Variants in ATG7 observed in about 807,000 individuals in gnomAD.
ATG7 encodes autophagy related 7, also known as ubiquitin-like modifier-activating enzyme ATG7.
In ATG7, 70 loss-of-function variants were observed where a neutral mutation model predicts 82.4. That is an observed-to-expected ratio of 0.85 (90% CI 0.70 to 1.04). The LOEUF (loss-of-function observed/expected upper bound fraction) is 1.04, where lower values mean the gene tolerates loss of function less well. Ranked by LOEUF, ATG7 falls within the 50% of genes least tolerant of loss-of-function variation. The pLI, the probability that ATG7 is intolerant of heterozygous loss-of-function variation, is 0.00. For synonymous variants in ATG7, 287 were observed against 313.0 expected, an observed-to-expected ratio of 0.92 and a Z score of 0.88; for missense variants, 792 against 864.3, an observed-to-expected ratio of 0.92 and a Z score of 1.05.
At chr3:11,559,341 G>T (rs1030530281), downstream of ATG7, 5 of 1,544,380 alleles carry the variant, frequency 3.2e-6, no homozygotes, top group African/African-American at 5.5e-5. Context: ...CCGCTCGGTG[G>T]CCTCCGGTAG....
At chr3:11,453,054 C>A (rs895280345) in intron 20 of ATG7, among the ~76,000 whole-genome samples, 2 of 152,218 alleles carry the variant, frequency 1.3e-5, no homozygotes, top group Non-Finnish European at 2.9e-5. Context: ...TCCTTCCTTT[C>A]TTACCAAGCC....
At chr3:11,449,410 G>A (rs993321466) in intron 20 of ATG7, among the ~76,000 whole-genome samples, 3 of 152,302 alleles carry the variant, frequency 2.0e-5, no homozygotes, top group Admixed American at 1.3e-4. Flanking sequence ...TTTGGGGCCT[G>A]TAAGGCCCCA....
intron 20 of ATG7, among the ~76,000 whole-genome samples, chr3:11,506,038 TA>T (rs138300836): frequency 0.037 from 5,597 of 152,298 alleles, 343 homozygotes; most frequent in African/African-American, 0.13. Context: ...GAATGCTTTG[TA>T]AATAGAACAT....
chr3:11,500,315 T>A (rs556442761), intron 20 of ATG7, among the ~76,000 whole-genome samples: 8 of 152,304 alleles, frequency 5.3e-5, no homozygotes, highest in African/African-American at 1.9e-4. Flanking sequence ...TTAGTTAATA[T>A]GATATTAATG....
At chr3:11,298,911 A>G in intron 4 of ATG7, 56 bp downstream of exon 4, 1 of 1,580,184 alleles carries the variant, frequency 6.3e-7, no homozygotes, top group South Asian at 1.1e-5. Context: ...ACGGTCCTCC[A>G]GTATAGTGTC....
At chr3:11,524,788 TA>T (rs1404575019) in intron 20 of ATG7, among the ~76,000 whole-genome samples, 12 of 151,660 alleles carry the variant, frequency 7.9e-5, no homozygotes, top group Admixed American at 7.9e-4. Flanking sequence ...CCCTGTCATT[TA>T]AAACAAAAAC....
intron 5 of ATG7, among the ~76,000 whole-genome samples, chr3:11,305,020 C>T (rs1947491349): frequency 6.6e-6 from 1 of 152,172 alleles, no homozygotes; most frequent in South Asian, 2.1e-4. Context: ...CCTCCATACT[C>T]ACCAGCCCTA....
At chr3:11,503,998 A>C (rs542815716) in intron 20 of ATG7, among the ~76,000 whole-genome samples, 5 of 152,290 alleles carry the variant, frequency 3.3e-5, no homozygotes, top group African/African-American at 9.6e-5. Flanking sequence ...AGAAAAAATA[A>C]GGAAGAAATT....
chr3:11,441,047 C>T (rs1293474700), intron 20 of ATG7, among the ~76,000 whole-genome samples: 1 of 151,972 alleles, frequency 6.6e-6, no homozygotes, highest in Non-Finnish European at 1.5e-5. Flanking sequence ...ATATTTATAT[C>T]TTATTGTTGC....
chr3:11,525,488 G>T (rs1575188825), intron 20 of ATG7, among the ~76,000 whole-genome samples: 6 of 129,052 alleles, frequency 4.6e-5, no homozygotes, highest in South Asian at 2.4e-4. Flanking sequence ...GCCCTTGTAT[G>T]TGACAGATGC....
intron 20 of ATG7, among the ~76,000 whole-genome samples, chr3:11,544,704 C>T (rs996686305): frequency 1.3e-5 from 2 of 152,246 alleles, no homozygotes; most frequent in Admixed American, 6.5e-5. Flanking sequence ...CCGAGGGGCC[C>T]GCCCTTGACT....
intron 20 of ATG7, among the ~76,000 whole-genome samples, chr3:11,483,129 T>C (rs2089210406): frequency 6.6e-6 from 1 of 152,172 alleles, no homozygotes; most frequent in Non-Finnish European, 1.5e-5. Context: ...GTGGTAAATT[T>C]AGAAATCCCT....
intron 7 of ATG7, among the ~76,000 whole-genome samples, chr3:11,309,648 T>C (rs1948338696): frequency 6.6e-6 from 1 of 152,048 alleles, no homozygotes; most frequent in South Asian, 2.1e-4. Context: ...GGGTCGATTA[T>C]AGAGATACCA....
intron 8 of ATG7, 104 bp from the exon 9 acceptor site, chr3:11,315,239 AT>A: frequency 9.3e-7 from 1 of 1,070,056 alleles, no homozygotes; most frequent in Non-Finnish European, 1.3e-6. Flanking sequence ...GTGATCAGTC[AT>A]TTCTAGTCTT....
intron 20 of ATG7, among the ~76,000 whole-genome samples, chr3:11,473,559 G>C (rs2087783594): frequency 6.6e-6 from 1 of 152,098 alleles, no homozygotes; most frequent in Non-Finnish European, 1.5e-5. Context: ...AAGGCTAGAA[G>C]CTTTAAGATA....
At chr3:11,311,026 T>C (rs964826225) in intron 7 of ATG7, among the ~76,000 whole-genome samples, 7 of 152,210 alleles carry the variant, frequency 4.6e-5, no homozygotes, top group Admixed American at 3.9e-4. Flanking sequence ...AGAATTCTCA[T>C]AGTAGAACAT....
At chr3:11,475,000 T>G (rs1469665986) in intron 20 of ATG7, among the ~76,000 whole-genome samples, 1 of 150,898 alleles carries the variant, frequency 6.6e-6, no homozygotes, top group Admixed American at 6.6e-5. Flanking sequence ...ATGTTGTGTT[T>G]GAAGCAGGAG....
chr3:11,361,286 C>CTTTT (rs760437157), intron 16 of ATG7, among the ~76,000 whole-genome samples: 1 of 139,092 alleles, frequency 7.2e-6, no homozygotes, highest in Non-Finnish European at 1.6e-5. Context: ...ATAATGAATT[C>CTTTT]TTTTTTTTTT....
intron 19 of ATG7, among the ~76,000 whole-genome samples, chr3:11,398,741 A>G (rs112730060): frequency 2.0e-5 from 3 of 152,300 alleles, no homozygotes; most frequent in African/African-American, 7.2e-5. Context: ...AGTCCTAGCT[A>G]CTTGGAGGCT....
Sources: gnomAD v4.1 joint callset for allele counts (sites outside exome capture counted in the v4.1 genomes callset) on GRCh38, gnomAD v4.1.1 for gene constraint, MANE v1.5 for transcripts, NCBI Gene and HGNC (gene_info 2026-07-23, HGNC 2026-07-21) for gene names.